Variants in SLC35E1 observed in about 807,000 individuals in gnomAD.
SLC35E1 encodes solute carrier family 35, member E1.
In SLC35E1, 12 loss-of-function variants were observed where a neutral mutation model predicts 31.0. The observed-to-expected ratio is 0.39, with a 90% CI of 0.25 to 0.63. The LOEUF is 0.63. SLC35E1 is among the 20% of genes least tolerant of loss of function. The pLI is 0.52. For missense variants in SLC35E1, 429 were observed against 572.2 expected (o/e 0.75, Z 2.55); for synonymous variants, 257 against 264.1 (o/e 0.97, Z 0.26).
chr19:16,559,641 G>T (rs903564605), intron 4 of SLC35E1, among the ~76,000 whole-genome samples: 1 of 152,166 alleles, frequency 6.6e-6, no homozygotes. Flanking sequence ...CACAGAATGA[G>T]ACCCTCTCTC....
intron 4 of SLC35E1, among the ~76,000 whole-genome samples, chr19:16,559,822 CT>C (rs2085895714): frequency 6.6e-6 from 1 of 152,144 alleles, no homozygotes; most frequent in Admixed American, 6.6e-5. Context: ...TGTTGATTGT[CT>C]TTTCCCAACC....
chr19:16,561,887 T>A (rs2122336567), intron 4 of SLC35E1, among the ~76,000 whole-genome samples: 1 of 152,244 alleles, frequency 6.6e-6, no homozygotes, highest in East Asian at 1.9e-4. Context: ...AAAGTCATGC[T>A]CATGTTAAAA....
rs1429132706 is a variant in SLC35E1, at chr19:16,555,119, C to T, written c.1002+33G>A. The T allele has an allele frequency of 6.8e-6, 11 of 1,612,054 alleles. No individual in the cohort carries two copies. The highest frequency in any genetic ancestry group is 1.3e-5 in the African/African-American group (1 of 74,950). ...GACTTCCTGGGTGTTGGGGGGCCGG[C>T]TTCCTTCCCTGCCCAGCCTCTCAGA... On this transcript the variant is annotated intron_variant, in intron 5 of 5. Transcript: ENST00000595753. This position sits in a 1 kb window ranked among gnomAD's most constrained non-coding sequence, Gnocchi z 4.1.
At chr19:16,568,227 CCA>C in intron 2 of SLC35E1, 58 bp from the exon 3 acceptor site, 1 of 1,521,780 alleles carries the variant, frequency 6.6e-7, no homozygotes, top group Non-Finnish European at 8.8e-7. Context: ...GGGCCACATG[CCA>C]CAGATGCCCA....
Position 16,555,191 on chromosome 19 carries a change from G to C in SLC35E1, c.963C>G (p.Gly321=), listed in dbSNP as rs763137853. 4 of 1,614,192 alleles carry C rather than the reference G, an allele frequency of 2.5e-6. No individual in the cohort carries two copies. Among genetic ancestry groups the C allele is most frequent in the Non-Finnish European group, 3.4e-6 (4 of 1,180,038 alleles). ...AGACCCCCAGGATGGCGGTCATCAT[G>C]CCCAGGACGTTGGTGCTGGTGACTG... ...RNPVTSTNVL[G]MMTAILGVFL... The change falls in exon 5 of 6, where the codon GGC becomes GGG. Residue 321 remains glycine (G), a synonymous_variant. Transcript: ENST00000595753. The surrounding 1 kb of genome is among the most constrained non-coding windows in gnomAD (Gnocchi z 4.1).
intron 5 of SLC35E1, 56 bp from the exon 6 acceptor site, chr19:16,553,965 A>G: frequency 6.9e-7 from 1 of 1,455,762 alleles, no homozygotes; most frequent in Non-Finnish European, 9.2e-7. Flanking sequence ...AGAGCTCGTA[A>G]TTCAAAGTCA....
At chr19:16,556,950 G>C (rs934537370) in intron 4 of SLC35E1, 1 of 471,450 alleles carries the variant, frequency 2.1e-6, no homozygotes, top group South Asian at 1.5e-5. Context: ...CAGCTTCTGC[G>C]GGGAACCTCA....
In SLC35E1 at chr19:16,551,239, G is replaced by C. The variant is rs1285311014; in HGVS notation, c.*2440C>G. On this transcript the variant is annotated 3_prime_UTR_variant, in exon 6 of 6. Transcript: ENST00000595753. The stretch of plus-strand genomic sequence containing the variant: ...CACGTTTTACACAGCAATTGTCTCA[G>C]CTTGGGACCAAAGTATTTACAAAGC... 6.6e-6 allele frequency: 1 copy of C among 152,078 alleles called. No individual in the cohort carries two copies. The highest frequency in any genetic ancestry group is 1.9e-4 in the East Asian group (1 of 5,200). 9.4% of individuals were successfully genotyped at this position (152,078 alleles called of 1,614,324 possible). A position where few individuals can be genotyped will look rare whatever the true frequency, so the allele number is the denominator to read the frequency against.
rs2085855050 is a variant in SLC35E1 at position 16,553,282 on chromosome 19, CCA to C, written c.*395_*396del. ...CCCACTGCCAGTTCATGGTCTACAG[CCA>C]CAGTGACCCCAGCTTTTCACACAGG... On this transcript the variant is annotated 3_prime_UTR_variant, in exon 6 of 6. Coordinates refer to ENST00000595753, the MANE Select transcript of SLC35E1 (RefSeq NM_024881.5). 5 of 155,316 alleles carry C rather than the reference CCA, an allele frequency of 3.2e-5. No homozygotes were observed. In the Admixed American group the frequency reaches 3.3e-4, roughly 10 times the overall value. 9.6% of individuals were successfully genotyped at this position (155,316 alleles called of 1,614,324 possible). A position where few individuals can be genotyped will look rare whatever the true frequency, so the allele number is the denominator to read the frequency against.
rs967499297 is a variant in SLC35E1, at chr19:16,555,798, C to T, written c.757-401G>A. 6 of 225,492 alleles carry T rather than the reference C, an allele frequency of 2.7e-5. No homozygotes were observed. The allele number at this position is 225,492 out of a possible 1,614,324, so 14.0% of individuals were successfully genotyped here. A position where few individuals can be genotyped will look rare whatever the true frequency, so the allele number is the denominator to read the frequency against. ...TCCTGGGAAGGTGGCTCTGAGCCTGCGAAGTACCTGGTAATACGAAAGCCA... is the reference window on the plus strand; with the variant it reads ...TCCTGGGAAGGTGGCTCTGAGCCTGTGAAGTACCTGGTAATACGAAAGCCA... On this transcript the variant is annotated intron_variant, in intron 4 of 5. Transcript: ENST00000595753. This position sits in a 1 kb window ranked among gnomAD's most constrained non-coding sequence, Gnocchi z 4.1.
rs867235538 is a variant in SLC35E1, at chr19:16,559,662, A to T, written c.757-4265T>A. 3.9e-5 allele frequency among the ~76,000 whole-genome samples: 6 copies of T among 152,170 alleles called. 1 individual carries two copies. The highest frequency in any genetic ancestry group is 2.0e-4 in the Admixed American group (3 of 15,268). On this transcript the variant is annotated intron_variant, in intron 4 of 5. Coordinates refer to ENST00000595753, the MANE Select transcript of SLC35E1 (RefSeq NM_024881.5). ...ATGAGACCCTCTCTCAAAGGAATTTAAAAAATTTCCATTTGGTTCTTCACT... is the reference window on the plus strand; with the variant it reads ...ATGAGACCCTCTCTCAAAGGAATTTTAAAAATTTCCATTTGGTTCTTCACT...
chr19:16,555,469 C>T lies in SLC35E1; in HGVS notation c.757-72G>A, dbSNP rs2085871289. ...ACCCTGCCTCCCTGTATCCACCTGG[C>T]AGGGTTAGGGGAAGGGATGTGGAGG... On this transcript the variant is annotated intron_variant, in intron 4 of 5. Transcript: ENST00000595753. The surrounding 1 kb of genome is among the most constrained non-coding windows in gnomAD (Gnocchi z 4.1). 3.2e-6 allele frequency: 5 copies of T among 1,571,134 alleles called. No individual in the cohort carries two copies. The highest frequency in any genetic ancestry group is 1.2e-5 in the South Asian group (1 of 84,684).
chr19:16,563,450 C>A (rs2085917252), intron 4 of SLC35E1, among the ~76,000 whole-genome samples: 1 of 152,058 alleles, frequency 6.6e-6, no homozygotes, highest in Non-Finnish European at 1.5e-5. Flanking sequence ...AACTAGGAGC[C>A]TAAGAAATGT....
rs774782882 is a variant in SLC35E1, at chr19:16,553,631, G to T, written c.*48C>A. 1 of 1,398,824 alleles carries T rather than the reference G, an allele frequency of 7.1e-7. No homozygotes were observed. The highest frequency in any genetic ancestry group is 2.5e-5 in the East Asian group (1 of 39,816). 86.7% of individuals were successfully genotyped at this position (1,398,824 alleles called of 1,614,324 possible). On this transcript the variant is annotated 3_prime_UTR_variant, in exon 6 of 6. Coordinates refer to ENST00000595753, the MANE Select transcript of SLC35E1 (RefSeq NM_024881.5). ...TGTCAGAAGTTTCTGATACTGCTGT[G>T]GGGGCCGGGGAAGGAGTCACCAACA...
intron 4 of SLC35E1, among the ~76,000 whole-genome samples, chr19:16,562,330 G>A (rs1373072998): frequency 6.6e-6 from 1 of 152,186 alleles, no homozygotes; most frequent in African/African-American, 2.4e-5. Flanking sequence ...GGCCTTCTAT[G>A]TCGTTATGAA....
chr19:16,553,465 C>T lies in SLC35E1; in HGVS notation c.*214G>A. ...AAGAAAGAGCATGAGACACTGGTCT[C>T]TGTTTAGGTTTGCCCAGAGCTCACG... On this transcript the variant is annotated 3_prime_UTR_variant, in exon 6 of 6. Transcript: ENST00000595753. 2.5e-6 allele frequency: 1 copy of T among 393,276 alleles called. No homozygotes were observed. Among genetic ancestry groups the T allele is most frequent in the Non-Finnish European group, 4.5e-6 (1 of 221,248 alleles). 24.4% of individuals were successfully genotyped at this position (393,276 alleles called of 1,614,324 possible). A position where few individuals can be genotyped will look rare whatever the true frequency, so the allele number is the denominator to read the frequency against.
chr19:16,562,748 T>C (rs2085913451), intron 4 of SLC35E1, among the ~76,000 whole-genome samples: 1 of 152,212 alleles, frequency 6.6e-6, no homozygotes, highest in Non-Finnish European at 1.5e-5. Context: ...TGCTCTGTCA[T>C]GCTGGCTGGG....
At chr19:16,554,797 G>C (rs1263863637) in intron 5 of SLC35E1, among the ~76,000 whole-genome samples, 1 of 146,032 alleles carries the variant, frequency 6.8e-6, no homozygotes, top group Non-Finnish European at 1.5e-5. Flanking sequence ...TCCAGCCTGG[G>C]TGACAGAGCC....
intron 4 of SLC35E1, chr19:16,565,247 G>C (rs1024259772): frequency 4.9e-6 from 2 of 404,042 alleles, no homozygotes; most frequent in Middle Eastern, 5.9e-4. Flanking sequence ...CTTCACACTT[G>C]TTGCCCAGGC....
Sources: gnomAD v4.1 joint callset for allele counts (sites outside exome capture counted in the v4.1 genomes callset) on GRCh38, gnomAD v4.1.1 for gene constraint, Gnocchi (gnomAD v3.1) non-coding constraint, MANE v1.5 for transcripts, NCBI Gene and HGNC (gene_info 2026-07-23, HGNC 2026-07-21) for gene names.